The following EXOC6B variants were observed in gnomAD, a reference collection of about 807,000 sequenced individuals.
The protein encoded by EXOC6B is exocyst complex component 6B.
Under a neutral mutation model 113.5 loss-of-function variants are expected in EXOC6B, and 54 were observed. The observed-to-expected ratio is 0.48, with a 90% CI of 0.38 to 0.60. EXOC6B has a LOEUF of 0.60. Among genes scored for constraint, EXOC6B ranks in the 20% least tolerant of loss-of-function variants. The probability of loss-of-function intolerance (pLI) is 0.00; values close to 1 mark genes in which losing one functional copy is unlikely to be tolerated. For synonymous variants in EXOC6B, 357 were observed against 339.0 expected (o/e 1.05, Z -0.58); for missense variants, 797 against 977.5 (o/e 0.82, Z 2.46).
intron 1 of EXOC6B, among the ~76,000 whole-genome samples, chr2:72,780,421 G>A (rs1683958604): frequency 6.6e-6 from 1 of 152,008 alleles, no homozygotes; most frequent in Non-Finnish European, 1.5e-5. Context: ...AGCATTTTTT[G>A]TTGTTATTGT....
chr2:72,377,781 G>A (rs1476795081), intron 19 of EXOC6B, among the ~76,000 whole-genome samples: 3 of 152,034 alleles, frequency 2.0e-5, no homozygotes, highest in Non-Finnish European at 2.9e-5. Context: ...ATTATACAAC[G>A]TTGTGACTTT....
intron 20 of EXOC6B, among the ~76,000 whole-genome samples, chr2:72,260,292 A>G (rs1683634469): frequency 6.6e-6 from 1 of 152,180 alleles, no homozygotes; most frequent in South Asian, 2.1e-4. Context: ...TTGAACTTCC[A>G]GCGATATCAC....
chr2:72,507,795 A>G (rs1049368339), intron 11 of EXOC6B, among the ~76,000 whole-genome samples: 1 of 152,046 alleles, frequency 6.6e-6, no homozygotes, highest in African/African-American at 2.4e-5. Context: ...CCACAGATCT[A>G]CACTTTGAAA....
chr2:72,256,556 T>C (rs1262651810), intron 20 of EXOC6B, among the ~76,000 whole-genome samples: 7 of 152,192 alleles, frequency 4.6e-5, no homozygotes, highest in Admixed American at 4.6e-4. Flanking sequence ...TGGGCATTAG[T>C]TGCTAGTTCT....
At chr2:72,765,736 AC>A (rs2104920551) in intron 1 of EXOC6B, among the ~76,000 whole-genome samples, 1 of 152,324 alleles carries the variant, frequency 6.6e-6, no homozygotes, top group African/African-American at 2.4e-5. Context: ...AGGGAACAGA[AC>A]ACTGGAGAAG....
At chr2:72,301,822 T>G (rs543223184) in intron 20 of EXOC6B, among the ~76,000 whole-genome samples, 15 of 152,328 alleles carry the variant, frequency 9.8e-5, no homozygotes, top group Middle Eastern at 3.4e-3. Context: ...TGAATTTTTT[T>G]TGTGTCTTGA....
chr2:72,299,485 G>A (rs1320833846), intron 20 of EXOC6B, among the ~76,000 whole-genome samples: 1 of 151,950 alleles, frequency 6.6e-6, no homozygotes, highest in Non-Finnish European at 1.5e-5. Context: ...TTAGCTCGGA[G>A]GAGTTTGTTA....
chr2:72,665,993 T>A (rs1675362226), intron 6 of EXOC6B, among the ~76,000 whole-genome samples: 5 of 152,148 alleles, frequency 3.3e-5, no homozygotes. Context: ...TGGAGAAAGG[T>A]CTAGTCTATT....
At chr2:72,216,911 C>T (rs994907938) in intron 20 of EXOC6B, among the ~76,000 whole-genome samples, 3 of 151,488 alleles carry the variant, frequency 2.0e-5, no homozygotes, top group Admixed American at 6.6e-5. Context: ...GGGCCAGGGG[C>T]GCAAGGGGAG....
intron 6 of EXOC6B, among the ~76,000 whole-genome samples, chr2:72,586,464 C>T (rs371879580): frequency 1.7e-4 from 26 of 152,142 alleles, no homozygotes; most frequent in South Asian, 1.2e-3. Flanking sequence ...AGACACACCG[C>T]AAACTTGGCC....
At chr2:72,337,395 A>C (rs1024782442) in intron 19 of EXOC6B, among the ~76,000 whole-genome samples, 1 of 152,194 alleles carries the variant, frequency 6.6e-6, no homozygotes, top group Non-Finnish European at 1.5e-5. Flanking sequence ...GTCAAATGGC[A>C]GCAACTATCA....
At chr2:72,584,476 T>C (rs1278489986) in intron 6 of EXOC6B, among the ~76,000 whole-genome samples, 8 of 152,212 alleles carry the variant, frequency 5.3e-5, no homozygotes, top group Admixed American at 5.2e-4. Flanking sequence ...ATCGTAAATA[T>C]GTATGCACCT....
intron 6 of EXOC6B, among the ~76,000 whole-genome samples, chr2:72,582,430 T>A (rs940329299): frequency 6.6e-6 from 1 of 152,012 alleles, no homozygotes. Flanking sequence ...GGTGGGAGGA[T>A]CACTTAATTT....
chr2:72,610,293 T>C (rs1293323207), intron 6 of EXOC6B, among the ~76,000 whole-genome samples: 2 of 152,140 alleles, frequency 1.3e-5, no homozygotes, highest in Non-Finnish European at 1.5e-5. Context: ...GCGCTATCCA[T>C]TGAAGAGAAC....
At chr2:72,372,700 G>A (rs1691110478) in intron 19 of EXOC6B, among the ~76,000 whole-genome samples, 1 of 151,714 alleles carries the variant, frequency 6.6e-6, no homozygotes, top group South Asian at 2.1e-4. Context: ...AAAAAGATAG[G>A]CGGGTATGGT....
chr2:72,275,678 T>C (rs904851240), intron 20 of EXOC6B, among the ~76,000 whole-genome samples: 1 of 152,196 alleles, frequency 6.6e-6, no homozygotes, highest in African/African-American at 2.4e-5. Flanking sequence ...CCTGGACATA[T>C]CCTGATTTCA....
intron 17 of EXOC6B, among the ~76,000 whole-genome samples, chr2:72,472,627 A>G (rs190606156): frequency 2.0e-5 from 3 of 152,152 alleles, no homozygotes; most frequent in Non-Finnish European, 4.4e-5. Context: ...GTTGTTATCA[A>G]TTTTACCTTT....
At chr2:72,679,976 A>T (rs1558911944) in intron 6 of EXOC6B, among the ~76,000 whole-genome samples, 1 of 152,214 alleles carries the variant, frequency 6.6e-6, no homozygotes, top group African/African-American at 2.4e-5. Flanking sequence ...AGAATACAAC[A>T]TAAATATAAA....
At chr2:72,335,599 T>C (rs1688652141) in intron 19 of EXOC6B, among the ~76,000 whole-genome samples, 1 of 134,886 alleles carries the variant, frequency 7.4e-6, no homozygotes, top group Non-Finnish European at 1.6e-5. Context: ...CACACACGCA[T>C]CCCAGAAGCA....
Sources: gnomAD v4.1 joint callset for allele counts (sites outside exome capture counted in the v4.1 genomes callset) on GRCh38, gnomAD v4.1.1 for gene constraint, MANE v1.5 for transcripts, NCBI Gene and HGNC (gene_info 2026-07-23, HGNC 2026-07-21) for gene names.